The following CFAP221 variants were observed in gnomAD, a reference collection of about 807,000 sequenced individuals.
The protein encoded by CFAP221 is cilia- and flagella-associated protein 221.
A neutral mutation model predicts 113.1 loss-of-function variants in CFAP221; 97 were observed. That is an observed-to-expected ratio of 0.86 (90% CI 0.73 to 1.02). CFAP221 has a LOEUF of 1.02. CFAP221 is among the 50% of genes least tolerant of loss of function. CFAP221 has a pLI of 0.00. For synonymous variants in CFAP221, 331 were observed against 354.4 expected (o/e 0.93, Z 0.74); for missense variants, 1,025 against 1,013.4 (o/e 1.01, Z -0.16).
chr2:119,568,733 C>T (rs1265203174), intron 6 of CFAP221, among the ~76,000 whole-genome samples: 7 of 152,130 alleles, frequency 4.6e-5, no homozygotes, highest in Non-Finnish European at 1.0e-4. Flanking sequence ...CTTTATCCAG[C>T]CTATCATTGA....
intron 3 of CFAP221, among the ~76,000 whole-genome samples, chr2:119,551,284 T>C (rs1336849448): frequency 6.6e-6 from 1 of 152,212 alleles, no homozygotes; most frequent in Non-Finnish European, 1.5e-5. Context: ...CATTATTGGG[T>C]TATATGGTTT....
intron 6 of CFAP221, among the ~76,000 whole-genome samples, chr2:119,568,475 T>C (rs1473125092): frequency 6.6e-6 from 1 of 152,152 alleles, no homozygotes; most frequent in Non-Finnish European, 1.5e-5. Flanking sequence ...TTTTTCCTAA[T>C]GCTCTCCCTC....
At chr2:119,564,006 A>G (rs1326145032) in intron 6 of CFAP221, among the ~76,000 whole-genome samples, 1 of 152,170 alleles carries the variant, frequency 6.6e-6, no homozygotes, top group Non-Finnish European at 1.5e-5. Flanking sequence ...AGATCCCTCT[A>G]GATATAGGGC....
intron 6 of CFAP221, among the ~76,000 whole-genome samples, chr2:119,579,303 A>G (rs1682686334): frequency 6.6e-6 from 1 of 152,002 alleles, no homozygotes; most frequent in African/African-American, 2.4e-5. Context: ...AGATATATAT[A>G]TATACATATA....
intron 20 of CFAP221, among the ~76,000 whole-genome samples, chr2:119,639,120 T>G (rs1687316908): frequency 6.6e-6 from 1 of 152,164 alleles, no homozygotes; most frequent in Non-Finnish European, 1.5e-5. Flanking sequence ...CACACTGATG[T>G]GCAGACCTCC....
At chr2:119,634,816 G>T (rs1456332524) in intron 19 of CFAP221, among the ~76,000 whole-genome samples, 1 of 152,196 alleles carries the variant, frequency 6.6e-6, no homozygotes, top group African/African-American at 2.4e-5. Context: ...GAGGCTGAGA[G>T]AGGGGAAAAC....
intron 6 of CFAP221, among the ~76,000 whole-genome samples, chr2:119,569,057 A>G (rs1368905510): frequency 1.3e-5 from 2 of 151,984 alleles, no homozygotes; most frequent in Middle Eastern, 3.2e-3. Flanking sequence ...GTTTCTGAGG[A>G]TAAGTCTGAT....
In CFAP221 at chr2:119,656,347, T is replaced by G; in HGVS notation, c.2415-15T>G. 1 of 1,608,860 alleles carries G rather than the reference T, an allele frequency of 6.2e-7. No homozygotes were observed. Among genetic ancestry groups the G allele is most frequent in the Non-Finnish European group, 8.5e-7 (1 of 1,175,454 alleles). Reference sequence around the variant, plus strand: ...AGTGTCCTCATGTTTCCTTCTTGGGTTTTTTGATACTCAGAGAAGTGAAAG... The same window carrying G: ...AGTGTCCTCATGTTTCCTTCTTGGGGTTTTTGATACTCAGAGAAGTGAAAG... On this transcript the variant is annotated splice_polypyrimidine_tract_variant and intron_variant, in intron 23 of 23. Transcript: ENST00000413369.
intron 3 of CFAP221, among the ~76,000 whole-genome samples, chr2:119,552,363 ATATT>A (rs1464556543): frequency 6.3e-5 from 8 of 126,994 alleles, no homozygotes; most frequent in South Asian, 2.9e-4. Flanking sequence ...ATAAATAGAA[ATATT>A]TCTTTCTTTA....
At chr2:119,595,154 C>T (rs1176514204) in intron 7 of CFAP221, among the ~76,000 whole-genome samples, 2 of 152,254 alleles carry the variant, frequency 1.3e-5, no homozygotes, top group African/African-American at 4.8e-5. Context: ...GCTTCTTCAG[C>T]CCCCTCCCCT....
Position 119,562,003 on chromosome 2 carries a change from G to C in CFAP221, c.427-11G>C. 6.6e-7 allele frequency: 1 copy of C among 1,521,880 alleles called. No individual in the cohort carries two copies. The highest frequency in any genetic ancestry group is 8.8e-7 in the Non-Finnish European group (1 of 1,137,036). The allele number at this position is 1,521,880 out of a possible 1,614,324, so 94.3% of individuals were successfully genotyped here. A position where few individuals can be genotyped will look rare whatever the true frequency, so the allele number is the denominator to read the frequency against. On this transcript the variant is annotated splice_polypyrimidine_tract_variant and intron_variant, in intron 5 of 23. Coordinates refer to ENST00000413369, the MANE Select transcript of CFAP221 (RefSeq NM_001271049.2). ...AGAATGTTAAACTTGACTTTTTCTG[G>C]TTAATTTTAGGGAGATGACACTTTG...
chr2:119,612,953 A>T (rs1685279511), intron 13 of CFAP221, among the ~76,000 whole-genome samples: 1 of 152,224 alleles, frequency 6.6e-6, no homozygotes, highest in Non-Finnish European at 1.5e-5. Context: ...TACTTCCTAG[A>T]TACAATGGGG....
At chr2:119,547,449 C>T (rs1412377920) in intron 2 of CFAP221, among the ~76,000 whole-genome samples, 1 of 152,086 alleles carries the variant, frequency 6.6e-6, no homozygotes, top group East Asian at 1.9e-4. Flanking sequence ...ATCTCAGCTA[C>T]TTGGGAGGCT....
chr2:119,562,181 T>G lies in CFAP221; in HGVS notation c.527+67T>G. 3 of 1,146,270 alleles carry G rather than the reference T, an allele frequency of 2.6e-6. No homozygotes were observed. In the South Asian group the frequency reaches 4.4e-5, roughly 17 times the overall value. 71.0% of individuals were successfully genotyped at this position (1,146,270 alleles called of 1,614,324 possible). A position where few individuals can be genotyped will look rare whatever the true frequency, so the allele number is the denominator to read the frequency against. On this transcript the variant is annotated intron_variant, in intron 6 of 23. Transcript: ENST00000413369. The stretch of plus-strand genomic sequence containing the variant: ...AACTAAGAGATACTCATACAAAACC[T>G]TAGACTTTTGTTTTTCCTAATGGAA...
At chr2:119,653,961 C>G (rs1229348430) in intron 23 of CFAP221, among the ~76,000 whole-genome samples, 1 of 152,108 alleles carries the variant, frequency 6.6e-6, no homozygotes, top group African/African-American at 2.4e-5. Flanking sequence ...GCCTATTTTG[C>G]CTATATTTCT....
intron 14 of CFAP221, among the ~76,000 whole-genome samples, chr2:119,619,065 G>A (rs1235040430): frequency 6.6e-6 from 1 of 152,212 alleles, no homozygotes; most frequent in Non-Finnish European, 1.5e-5. Context: ...GGGCATCTCT[G>A]AAAGAAAGGC....
chr2:119,546,490 T>G (rs1385756449), intron 2 of CFAP221, among the ~76,000 whole-genome samples: 1 of 152,242 alleles, frequency 6.6e-6, no homozygotes, highest in Non-Finnish European at 1.5e-5. Flanking sequence ...TTGCTTCTAC[T>G]TCTTCTAATG....
At chr2:119,617,185 C>T (rs755245926) in intron 14 of CFAP221, among the ~76,000 whole-genome samples, 2 of 152,186 alleles carry the variant, frequency 1.3e-5, no homozygotes, top group Admixed American at 1.3e-4. Context: ...GTCTTCTCAG[C>T]CTGGACTTGT....
intron 7 of CFAP221, among the ~76,000 whole-genome samples, chr2:119,589,208 T>C (rs1205951249): frequency 1.3e-5 from 2 of 152,194 alleles, no homozygotes; most frequent in Non-Finnish European, 2.9e-5. Flanking sequence ...TCAGGAACGT[T>C]CTTGGTTTGG....
Sources: gnomAD v4.1 joint callset for allele counts (sites outside exome capture counted in the v4.1 genomes callset) on GRCh38, gnomAD v4.1.1 for gene constraint, MANE v1.5 for transcripts, NCBI Gene and HGNC (gene_info 2026-07-23, HGNC 2026-07-21) for gene names.